The following SCAI variants were observed in gnomAD, a reference collection of about 807,000 sequenced individuals.
SCAI encodes the protein protein SCAI.
A neutral mutation model predicts 92.2 loss-of-function variants in SCAI; 24 were observed. The ratio of observed to expected loss-of-function variants is 0.26; its 90% CI spans 0.19 to 0.37. The LOEUF (loss-of-function observed/expected upper bound fraction) is 0.37. SCAI is among the 10% of genes least tolerant of loss of function. The pLI is 1.00. For missense variants in SCAI, 450 were observed against 736.2 expected (o/e 0.61, Z 4.50); for synonymous variants, 261 against 258.6 (o/e 1.01, Z -0.09).
intron 2 of SCAI, among the ~76,000 whole-genome samples, chr9:125,079,235 G>A (rs2131177346): frequency 6.6e-6 from 1 of 152,136 alleles, no homozygotes; most frequent in Admixed American, 6.5e-5. Flanking sequence ...TTCTCTTATA[G>A]CTCCCAGAGT....
intron 8 of SCAI, 28 bp from the exon 9 acceptor site, chr9:125,018,979 C>G: frequency 6.2e-7 from 1 of 1,608,166 alleles, no homozygotes; most frequent in South Asian, 1.1e-5. Context: ...AAGAACTTAA[C>G]GAATGGCCAA....
intron 3 of SCAI, among the ~76,000 whole-genome samples, chr9:125,052,011 C>T (rs1833570146): frequency 6.6e-6 from 1 of 152,130 alleles, no homozygotes; most frequent in Admixed American, 6.5e-5. Context: ...CATGCCACTG[C>T]ACTCCAGCCT....
chr9:125,015,872 C>T (rs1277503265), intron 9 of SCAI, among the ~76,000 whole-genome samples: 1 of 151,884 alleles, frequency 6.6e-6, no homozygotes, highest in East Asian at 1.9e-4. Flanking sequence ...GAGTTCATGT[C>T]CTTTGTAGGG....
chr9:125,119,444 A>T (rs73666675), intron 2 of SCAI, among the ~76,000 whole-genome samples: 2,127 of 152,314 alleles, frequency 0.014, 56 homozygotes, highest in African/African-American at 0.048. Flanking sequence ...TAGTTAAAAA[A>T]AATAATAATT....
rs1280607117 is a variant in SCAI at position 124,947,871 on chromosome 9, G to A, written c.*4936C>T. On this transcript the variant is annotated 3_prime_UTR_variant, in exon 18 of 18. Transcript: ENST00000336505. ...TCAAATCTTTTACTCAGGGTGGGGA[G>A]GTGGTTTTGAATCACTGGCAATGGC... is the stretch of plus-strand genomic sequence containing the variant. 1 of 152,166 alleles carries A rather than the reference G, an allele frequency of 6.6e-6. No individual in the cohort carries two copies. The highest frequency in any genetic ancestry group is 1.9e-4 in the East Asian group (1 of 5,194). 9.4% of individuals were successfully genotyped at this position (152,166 alleles called of 1,614,324 possible).
chr9:125,100,066 C>T (rs186816376), intron 2 of SCAI, among the ~76,000 whole-genome samples: 42 of 152,362 alleles, frequency 2.8e-4, no homozygotes, highest in African/African-American at 9.4e-4. Context: ...AGTTGAGTGG[C>T]TGGATCATAT....
chr9:125,112,192 C>T (rs1047721536), intron 2 of SCAI, among the ~76,000 whole-genome samples: 6 of 152,076 alleles, frequency 3.9e-5, no homozygotes, highest in African/African-American at 1.2e-4. Context: ...CAGCCCTAAA[C>T]GGTGATCTGA....
At chr9:125,013,526 T>A (rs1308576551) in intron 9 of SCAI, among the ~76,000 whole-genome samples, 12 of 152,304 alleles carry the variant, frequency 7.9e-5, no homozygotes, top group African/African-American at 2.9e-4. Flanking sequence ...TCTGAAATTG[T>A]GGCAATAATC....
intron 2 of SCAI, among the ~76,000 whole-genome samples, chr9:125,124,403 T>C (rs1411995881): frequency 1.3e-5 from 2 of 152,182 alleles, no homozygotes; most frequent in Non-Finnish European, 2.9e-5. Context: ...GCCTATGGTC[T>C]AGTTGCAGTC....
chr9:125,033,877 G>A (rs893265861), intron 3 of SCAI, among the ~76,000 whole-genome samples: 4 of 152,212 alleles, frequency 2.6e-5, no homozygotes, highest in Non-Finnish European at 4.4e-5. Context: ...CAGTAGATGA[G>A]ACATTTCAAG....
intron 12 of SCAI, 60 bp downstream of exon 12, chr9:125,001,905 T>A: frequency 8.1e-7 from 1 of 1,227,546 alleles, no homozygotes; most frequent in Non-Finnish European, 1.2e-6. Context: ...GGCCATCGTC[T>A]TGTAGAAAAT....
Position 125,019,166 on chromosome 9 carries a change from T to G in SCAI, c.649A>C (p.Asn217His), listed in dbSNP as rs756546449. The change falls in exon 8 of 18, where the codon AAT becomes CAT. Residue 217 changes from asparagine to histidine, a missense_variant. Around this residue, in one of 3 missense-constraint regions of SCAI, gnomAD observed 360 missense variants for 601.8 expected, o/e 0.60. Transcript: ENST00000336505. ...TTCCATTCCACTTGATCTTCAGTAT[T>G]AAATCGGTGAGTATAATCTTCAATT... Reference protein sequence around the residue: ...DEIEDYTHRFNTEDQVEWNLV... With the variant: ...DEIEDYTHRFHTEDQVEWNLV... 1.2e-6 allele frequency: 2 copies of G among 1,601,146 alleles called. No individual in the cohort carries two copies. Among genetic ancestry groups the G allele is most frequent in the Non-Finnish European group, 1.7e-6 (2 of 1,174,010 alleles).
chr9:125,070,851 T>C (rs1329172077), intron 2 of SCAI, among the ~76,000 whole-genome samples: 4 of 152,172 alleles, frequency 2.6e-5, no homozygotes, highest in South Asian at 2.1e-4. Flanking sequence ...CAATATCTGA[T>C]ATGGTTTGGC....
At chr9:125,069,716 C>T (rs964205472) in intron 2 of SCAI, among the ~76,000 whole-genome samples, 2 of 148,492 alleles carry the variant, frequency 1.3e-5, no homozygotes, top group East Asian at 2.0e-4. Flanking sequence ...CTCCACCTCC[C>T]GGGTTCAAGC....
At chr9:125,112,771 T>C (rs545687635) in intron 2 of SCAI, among the ~76,000 whole-genome samples, 3 of 152,312 alleles carry the variant, frequency 2.0e-5, no homozygotes, top group Admixed American at 6.5e-5. Flanking sequence ...TGAGGAAATA[T>C]ACAAGATGAA....
intron 17 of SCAI, among the ~76,000 whole-genome samples, chr9:124,958,711 A>T (rs1831370525): frequency 1.3e-5 from 2 of 152,152 alleles, no homozygotes; most frequent in East Asian, 3.9e-4. Context: ...ATTCGAGATC[A>T]GCCTGGCCAA....
At chr9:125,139,025 G>A (rs777508016) in intron 2 of SCAI, among the ~76,000 whole-genome samples, 2 of 152,178 alleles carry the variant, frequency 1.3e-5, no homozygotes, top group Non-Finnish European at 2.9e-5. Context: ...GAGGGAGGGT[G>A]GGGGGAAGCC....
intron 2 of SCAI, among the ~76,000 whole-genome samples, chr9:125,108,528 C>T (rs1198918488): frequency 1.3e-5 from 2 of 151,014 alleles, no homozygotes; most frequent in Admixed American, 6.6e-5. Context: ...GCTGCGACCC[C>T]ATCTGGGAGG....
intron 7 of SCAI, among the ~76,000 whole-genome samples, chr9:125,019,854 G>A (rs145053974): frequency 5.0e-4 from 76 of 151,994 alleles, no homozygotes; most frequent in African/African-American, 1.6e-3. Flanking sequence ...CTGGCGGATT[G>A]CTTGAACTCA....
Sources: allele counts gnomAD v4.1 joint callset (sites outside exome capture counted in the v4.1 genomes callset), GRCh38; gene constraint gnomAD v4.1.1; regional missense constraint gnomAD v4.1.1; transcripts MANE v1.5; gene names NCBI Gene and HGNC (gene_info 2026-07-23, HGNC 2026-07-21).